Variants in ZNF510 observed in about 807,000 individuals in gnomAD.
The protein encoded by ZNF510 is zinc finger protein 510.
A neutral mutation model predicts 18.1 loss-of-function variants in ZNF510; 15 were observed. That is an observed-to-expected ratio of 0.83 (90% CI 0.55 to 1.28). The LOEUF is 1.28. Among genes scored for constraint, ZNF510 ranks in the 50% most tolerant of loss-of-function variants. The pLI is 0.00. For missense variants in ZNF510, 724 were observed against 791.8 expected, an observed-to-expected ratio of 0.91 and a Z score of 1.03; for synonymous variants, 261 against 266.4, an observed-to-expected ratio of 0.98 and a Z score of 0.20.
rs2117883543 is a variant in ZNF510, at chr9:96,756,634, T to C, written c.*2144A>G. ...ACGACAAACTCCTAAAGTGGAATTT[T>C]AGGTCAGAACCCTCTACCCAAGGAA... On this transcript the variant is annotated 3_prime_UTR_variant, in exon 6 of 6. Transcript: ENST00000223428. 1 of 152,346 alleles carries C rather than the reference T, an allele frequency of 6.6e-6. No individual in the cohort carries two copies. The highest frequency in any genetic ancestry group is 2.1e-4 in the South Asian group (1 of 4,826). The allele number at this position is 152,346 out of a possible 1,614,324, so 9.4% of individuals were successfully genotyped here. A position where few individuals can be genotyped will look rare whatever the true frequency, so the allele number is the denominator to read the frequency against.
At position 96,760,281 on chromosome 9, in the gene ZNF510, C is replaced by G; in HGVS notation, c.549G>C (p.Leu183Phe). The change falls in exon 6 of 6, where the codon TTG (leucine) becomes TTC (phenylalanine). Residue 183 changes from leucine to phenylalanine, a missense_variant. Physicochemically the swap from Leu to Phe is conservative, Grantham distance 22 (BLOSUM62 0). Coordinates refer to ENST00000223428, the MANE Select transcript of ZNF510 (RefSeq NM_014930.3). ...TAATGATAAATTCAGAAATACTTTG[C>G]AAATTCACTTCCCATGAGTTGCATT... ...SCKCNSWEVN[L>F]QSISEFIINN... is the part of the protein sequence containing the mutation. 1 of 1,613,248 alleles carries G rather than the reference C, an allele frequency of 6.2e-7. No homozygotes were observed. Among genetic ancestry groups the G allele is most frequent in the Non-Finnish European group, 8.5e-7 (1 of 1,179,504 alleles).
At chr9:96,767,035 A>G (rs1000491860) in intron 3 of ZNF510, among the ~76,000 whole-genome samples, 2 of 152,220 alleles carry the variant, frequency 1.3e-5, no homozygotes, top group African/African-American at 4.8e-5. Flanking sequence ...GGAAAATCAA[A>G]AGAGAAATGA....
intron 1 of ZNF510, 89 bp from the exon 2 acceptor site, chr9:96,776,334 C>T (rs958601033): frequency 2.1e-6 from 1 of 474,594 alleles, no homozygotes; most frequent in African/African-American, 2.0e-5. Context: ...TCATGGAAAA[C>T]AGTGTTCTTC....
Position 96,763,173 on chromosome 9 carries a change from C to T in ZNF510, c.297G>A (p.Glu99=). Residue 99 remains glutamate (E), a synonymous_variant, in exon 5 of 6, where the codon GAG becomes GAA. Coordinates refer to ENST00000223428, the MANE Select transcript of ZNF510 (RefSeq NM_014930.3). ...CTGAGAACCAAGGCTCCTCTCCTTG[C>T]TCCAACTTGAAGATCACCTCTGGTT... ...CFKPEVIFKL[E]QGEEPWFSEE... is the part of the protein sequence containing the mutation. The T allele has an allele frequency of 6.2e-7, 1 of 1,614,084 alleles. No individual in the cohort carries two copies. The highest frequency in any genetic ancestry group is 8.5e-7 in the Non-Finnish European group (1 of 1,179,982).
chr9:96,768,114 G>A (rs1849512844), intron 3 of ZNF510, among the ~76,000 whole-genome samples: 2 of 152,100 alleles, frequency 1.3e-5, no homozygotes, highest in Admixed American at 6.5e-5. Context: ...AAGAAAACAA[G>A]TCACACGATC....
intron 3 of ZNF510, among the ~76,000 whole-genome samples, chr9:96,769,079 G>A (rs1013071107): frequency 6.6e-6 from 1 of 152,070 alleles, no homozygotes; most frequent in African/African-American, 2.4e-5. Flanking sequence ...AGATGATGCT[G>A]GGATAACTGA....
chr9:96,763,757 T>G (rs943818157), intron 3 of ZNF510, 125 bp from the exon 4 acceptor site: 1 of 958,748 alleles, frequency 1.0e-6, no homozygotes, highest in Non-Finnish European at 1.5e-6. Context: ...GGATGCCTAT[T>G]TTGAATCTAA....
intron 3 of ZNF510, among the ~76,000 whole-genome samples, chr9:96,773,615 G>A (rs545555023): frequency 4.9e-4 from 74 of 150,686 alleles, no homozygotes; most frequent in Non-Finnish European, 5.0e-4. Context: ...TAGCTCTGTC[G>A]CCCAGGCTGG....
chr9:96,763,474 G>C, intron 4 of ZNF510, 32 bp downstream of exon 4: 1 of 1,575,198 alleles, frequency 6.3e-7, no homozygotes, highest in Non-Finnish European at 8.6e-7. Flanking sequence ...TCTATATGGA[G>C]TTACAAGGGT....
In ZNF510 at chr9:96,758,644, G is replaced by T. The variant is rs1000464165; in HGVS notation, c.*134C>A. On this transcript the variant is annotated 3_prime_UTR_variant, in exon 6 of 6. Coordinates refer to ENST00000223428, the MANE Select transcript of ZNF510 (RefSeq NM_014930.3). ...TCTTCATCTGGTTTCTTTCCTATGT[G>T]AATTCTCTGATTCACAGTGAGGGTT... 6 of 903,516 alleles carry T rather than the reference G, an allele frequency of 6.6e-6. No individual in the cohort carries two copies. The highest frequency in any genetic ancestry group is 1.7e-5 in the African/African-American group (1 of 59,648). The allele number at this position is 903,516 out of a possible 1,614,324, so 56.0% of individuals were successfully genotyped here.
chr9:96,760,518 C>T lies in ZNF510; in HGVS notation c.353-41G>A, dbSNP rs778887058. The T allele has an allele frequency of 6.6e-6, 10 of 1,525,228 alleles. No individual in the cohort carries two copies. The African/African-American group carries it at 1.4e-4, about 22-fold the overall frequency. 94.5% of individuals were successfully genotyped at this position (1,525,228 alleles called of 1,614,324 possible). A position where few individuals can be genotyped will look rare whatever the true frequency, so the allele number is the denominator to read the frequency against. On this transcript the variant is annotated intron_variant, in intron 5 of 5. Transcript: ENST00000223428. Reference sequence around the variant, plus strand: ...TGAAAACATCTTATGACTCTTACATCTTCTGTGGGTAGAGCTTTATCAACA... The same window carrying T: ...TGAAAACATCTTATGACTCTTACATTTTCTGTGGGTAGAGCTTTATCAACA...
At chr9:96,772,681 TA>T (rs1303487485) in intron 3 of ZNF510, among the ~76,000 whole-genome samples, 1 of 152,178 alleles carries the variant, frequency 6.6e-6, no homozygotes. Context: ...TTTGATAAGA[TA>T]CCACACTATA....
Position 96,756,735 on chromosome 9 carries a change from G to C in ZNF510, c.*2043C>G, listed in dbSNP as rs1849202293. 2 of 152,194 alleles carry C rather than the reference G, an allele frequency of 1.3e-5. No individual in the cohort carries two copies. The highest frequency in any genetic ancestry group is 2.4e-5 in the African/African-American group (1 of 41,450). 9.4% of individuals were successfully genotyped at this position (152,194 alleles called of 1,614,324 possible). ...CAGAAGGGGTGGACCTGGTACCCTT[G>C]TCAGGGAACCAAGTCAATCCCCTGG... On this transcript the variant is annotated 3_prime_UTR_variant, in exon 6 of 6. Transcript: ENST00000223428.
In ZNF510 at chr9:96,758,866, G is replaced by T; in HGVS notation, c.1964C>A (p.Ser655Tyr). The T allele has an allele frequency of 6.2e-6, 10 of 1,614,024 alleles. No homozygotes were observed. Among genetic ancestry groups the T allele is most frequent in the Non-Finnish European group, 7.6e-6 (9 of 1,179,962 alleles). Reference protein sequence around the residue: ...IHQRTHSGEKSYECNEYGKLC... With the variant: ...IHQRTHSGEKYYECNEYGKLC... ...TTTCCCATATTCATTGCATTCATAA[G>T]ATTTCTCCCCACTGTGAGTCCTTTG... is the stretch of plus-strand genomic sequence containing the variant. The change falls in exon 6 of 6, where the codon TCT becomes TAT. Residue 655 changes from serine (S) to tyrosine (Y), a missense_variant. Coordinates refer to ENST00000223428, the MANE Select transcript of ZNF510 (RefSeq NM_014930.3).
At chr9:96,775,976 C>A in intron 2 of ZNF510, 24 bp downstream of exon 2, 1 of 1,598,212 alleles carries the variant, frequency 6.3e-7, no homozygotes, top group South Asian at 1.1e-5. Context: ...TGACAGTCAC[C>A]CACGCCTCTC....
intron 3 of ZNF510, among the ~76,000 whole-genome samples, chr9:96,771,174 ACAGAAAAACTGCAAGC>A: frequency 6.6e-6 from 1 of 152,334 alleles, no homozygotes; most frequent in Middle Eastern, 3.4e-3. Flanking sequence ...ACATGACATG[ACAGAAAAACTGCAAGC>A]CAGTATCTTT....
Position 96,760,266 on chromosome 9 carries a change from T to C in ZNF510, c.564A>G (p.Glu188=). 2 of 1,612,908 alleles carry C rather than the reference T, an allele frequency of 1.2e-6. No homozygotes were observed. Among genetic ancestry groups the C allele is most frequent in the Non-Finnish European group, 1.7e-6 (2 of 1,179,366 alleles). ...SWEVNLQSIS[E]FIINNRNYST... Reference sequence around the variant, plus strand: ...AATAGTTTCTATTATTAATGATAAATTCAGAAATACTTTGCAAATTCACTT... The same window carrying C: ...AATAGTTTCTATTATTAATGATAAACTCAGAAATACTTTGCAAATTCACTT... The change falls in exon 6 of 6, where the codon GAA becomes GAG. Residue 188 remains glutamate, a synonymous_variant. Coordinates refer to ENST00000223428, the MANE Select transcript of ZNF510 (RefSeq NM_014930.3).
rs1162141580 is a variant in ZNF510 at position 96,757,163 on chromosome 9, C to T, written c.*1615G>A. 1 of 152,094 alleles carries T rather than the reference C, an allele frequency of 6.6e-6. No individual in the cohort carries two copies. Among genetic ancestry groups the T allele is most frequent in the East Asian group, 1.9e-4 (1 of 5,184 alleles). The allele number at this position is 152,094 out of a possible 1,614,324, so 9.4% of individuals were successfully genotyped here. A position where few individuals can be genotyped will look rare whatever the true frequency, so the allele number is the denominator to read the frequency against. On this transcript the variant is annotated 3_prime_UTR_variant, in exon 6 of 6. Coordinates refer to ENST00000223428, the MANE Select transcript of ZNF510 (RefSeq NM_014930.3). Reference sequence around the variant, plus strand: ...CAATAAAGCCATATAAATCTGAGTCCCTCCCCTCTCTGGAGGTTTCCCATA... The same window carrying T: ...CAATAAAGCCATATAAATCTGAGTCTCTCCCCTCTCTGGAGGTTTCCCATA...
At chr9:96,760,546 C>T in intron 5 of ZNF510, 69 bp from the exon 6 acceptor site, 5 of 1,341,536 alleles carry the variant, frequency 3.7e-6, no homozygotes, top group African/African-American at 1.5e-5. Flanking sequence ...TATCAACATA[C>T]AGCCTATGTT....
Sources: allele counts gnomAD v4.1 joint callset (sites outside exome capture counted in the v4.1 genomes callset), GRCh38; gene constraint gnomAD v4.1.1; transcripts MANE v1.5; gene names NCBI Gene and HGNC (gene_info 2026-07-23, HGNC 2026-07-21).